RFX3: variants seen among roughly 807,000 people sequenced by gnomAD.
RFX3 encodes regulatory factor X3.
A neutral mutation model predicts 98.6 loss-of-function variants in RFX3; 14 were observed. That is an observed-to-expected ratio of 0.14 (90% CI 0.09 to 0.22). The LOEUF (loss-of-function observed/expected upper bound fraction) is 0.22, where lower values mean the gene tolerates loss of function less well. Ranked by LOEUF, RFX3 falls within the 10% of genes least tolerant of loss-of-function variation. The pLI is 1.00. For synonymous variants in RFX3, 383 were observed against 328.4 expected, an observed-to-expected ratio of 1.17 and a Z score of -1.80; for missense variants, 639 against 926.9, an observed-to-expected ratio of 0.69 and a Z score of 4.03.
intron 1 of RFX3, among the ~76,000 whole-genome samples, chr9:3,520,733 T>A (rs1182524679): frequency 6.6e-6 from 1 of 152,218 alleles, no homozygotes; most frequent in Non-Finnish European, 1.5e-5. Context: ...TAAAGTGCAG[T>A]GGCATGATCA....
intron 4 of RFX3, among the ~76,000 whole-genome samples, chr9:3,306,502 G>A (rs781029948): frequency 1.3e-5 from 2 of 150,186 alleles, no homozygotes; most frequent in Non-Finnish European, 3.0e-5. Context: ...ATTACTTCTT[G>A]CTGTTACAGT....
intron 11 of RFX3, among the ~76,000 whole-genome samples, chr9:3,267,603 G>C (rs1823812403): frequency 6.6e-6 from 1 of 151,798 alleles, no homozygotes; most frequent in Admixed American, 6.6e-5. Flanking sequence ...TTTTGGTTAG[G>C]AAAAACACTC....
chr9:3,476,442 G>C (rs187288413), intron 1 of RFX3, among the ~76,000 whole-genome samples: 33 of 152,190 alleles, frequency 2.2e-4, no homozygotes, highest in African/African-American at 7.0e-4. Context: ...GCAAAGTTTA[G>C]TATTTATGGA....
chr9:3,469,069 A>T (rs577090240), intron 1 of RFX3: 1 of 376,872 alleles, frequency 2.7e-6, no homozygotes, highest in African/African-American at 2.1e-5. Context: ...TTCATTAAAA[A>T]AACATTCAAG....
At chr9:3,362,306 T>G (rs7026530) in intron 2 of RFX3, among the ~76,000 whole-genome samples, 26,467 of 152,192 alleles carry the variant, frequency 0.17, 4,820 homozygotes, top group African/African-American at 0.46. Flanking sequence ...TTAGAAAATA[T>G]TGTATTGTTA....
At chr9:3,411,182 G>C (rs1310008008) in intron 1 of RFX3, among the ~76,000 whole-genome samples, 7 of 152,090 alleles carry the variant, frequency 4.6e-5, no homozygotes, top group African/African-American at 1.7e-4. Flanking sequence ...AAGGTTATTT[G>C]CATATGAAAA....
rs558631549 is a variant in RFX3, at chr9:3,239,310, G to T, written c.1968+8722C>A. ...TTGTGTTCCTTGGTTACTTTTCTTT[G>T]TATGTGTATGTGTACTTTTCTATGT... On this transcript the variant is annotated intron_variant, in intron 15 of 16. Transcript: ENST00000617270. 9.8e-5 allele frequency among the ~76,000 whole-genome samples: 15 copies of T among 152,320 alleles called. No individual in the cohort carries two copies. The South Asian group carries it at 1.0e-3, about 11-fold the overall frequency.
intron 1 of RFX3, among the ~76,000 whole-genome samples, chr9:3,521,856 G>A (rs550333332): frequency 2.1e-4 from 32 of 152,104 alleles, no homozygotes; most frequent in Middle Eastern, 3.4e-3. Context: ...TTGGCCTTGG[G>A]GTTTGACTTG....
At chr9:3,515,765 T>C (rs1452354543) in intron 1 of RFX3, among the ~76,000 whole-genome samples, 2 of 152,200 alleles carry the variant, frequency 1.3e-5, no homozygotes, top group African/African-American at 2.4e-5. Flanking sequence ...ATGAAAGTTA[T>C]ACTGAAATAC....
chr9:3,521,326 T>C (rs1818689735), intron 1 of RFX3, among the ~76,000 whole-genome samples: 1 of 152,210 alleles, frequency 6.6e-6, no homozygotes, highest in Non-Finnish European at 1.5e-5. Flanking sequence ...CGGTAATATG[T>C]ATTAGTACAC....
At chr9:3,320,262 T>C (rs1181723403) in intron 4 of RFX3, among the ~76,000 whole-genome samples, 1 of 152,060 alleles carries the variant, frequency 6.6e-6, no homozygotes, top group Non-Finnish European at 1.5e-5. Context: ...TAAAGACATC[T>C]TTAGGATTGG....
At chr9:3,424,909 T>C (rs1843859498) in intron 1 of RFX3, among the ~76,000 whole-genome samples, 1 of 152,118 alleles carries the variant, frequency 6.6e-6, no homozygotes, top group Admixed American at 6.5e-5. Context: ...GGGCTTGTTT[T>C]AGAGAGTAGG....
At chr9:3,367,690 T>C (rs1030303545) in intron 2 of RFX3, among the ~76,000 whole-genome samples, 1 of 152,218 alleles carries the variant, frequency 6.6e-6, no homozygotes, top group African/African-American at 2.4e-5. Context: ...CCCCTTTCTT[T>C]GCTTTTACTT....
At chr9:3,421,549 T>C (rs778166458) in intron 1 of RFX3, among the ~76,000 whole-genome samples, 2 of 152,244 alleles carry the variant, frequency 1.3e-5, no homozygotes, top group Non-Finnish European at 2.9e-5. Flanking sequence ...CTAGTCCTTA[T>C]TGTTGTACAG....
chr9:3,482,675 A>T (rs573414376), intron 1 of RFX3, among the ~76,000 whole-genome samples: 1 of 152,224 alleles, frequency 6.6e-6, no homozygotes, highest in Non-Finnish European at 1.5e-5. Flanking sequence ...ATTCAAAATC[A>T]TAAAACCCTC....
At chr9:3,456,587 C>G (rs982934279) in intron 1 of RFX3, among the ~76,000 whole-genome samples, 1 of 152,146 alleles carries the variant, frequency 6.6e-6, no homozygotes, top group Non-Finnish European at 1.5e-5. Flanking sequence ...ATACCTTTCT[C>G]CAAGCTGACA....
intron 1 of RFX3, among the ~76,000 whole-genome samples, chr9:3,438,685 C>T (rs10972042): frequency 0.19 from 28,688 of 151,698 alleles, 3,951 homozygotes; most frequent in African/African-American, 0.39. Context: ...AGCAAAAGGA[C>T]AGAAAAAGAT....
At chr9:3,359,102 A>G (rs1836118089) in intron 2 of RFX3, among the ~76,000 whole-genome samples, 1 of 151,902 alleles carries the variant, frequency 6.6e-6, no homozygotes, top group African/African-American at 2.4e-5. Flanking sequence ...GACCCTTGAA[A>G]CGATTTGGTG....
At chr9:3,243,704 G>T (rs1047058628) in intron 15 of RFX3, among the ~76,000 whole-genome samples, 2 of 152,158 alleles carry the variant, frequency 1.3e-5, no homozygotes, top group South Asian at 4.1e-4. Context: ...TAAAAGGAAA[G>T]TCTTTTTGCT....
Sources: allele counts gnomAD v4.1 joint callset (sites outside exome capture counted in the v4.1 genomes callset), GRCh38; gene constraint gnomAD v4.1.1; transcripts MANE v1.5; gene names NCBI Gene and HGNC (gene_info 2026-07-23, HGNC 2026-07-21).